DLGAP2: variants seen among roughly 807,000 people sequenced by gnomAD.
DLGAP2 encodes disks large-associated protein 2.
In DLGAP2, 26 loss-of-function variants were observed where a neutral mutation model predicts 100.3. The ratio of observed to expected loss-of-function variants is 0.26; its 90% CI spans 0.19 to 0.36. The LOEUF (loss-of-function observed/expected upper bound fraction) is 0.36. Ranked by LOEUF, DLGAP2 falls within the 10% of genes least tolerant of loss-of-function variation. The probability of loss-of-function intolerance (pLI) is 1.00; values close to 1 mark genes in which losing one functional copy is unlikely to be tolerated. For missense variants in DLGAP2, 1,858 were observed against 1,453.2 expected, an observed-to-expected ratio of 1.28 and a Z score of -4.53; for synonymous variants, 886 against 630.1, an observed-to-expected ratio of 1.41 and a Z score of -6.08.
intron 3 of DLGAP2, among the ~76,000 whole-genome samples, chr8:1,438,227 G>T (rs970070060): frequency 6.6e-6 from 1 of 152,124 alleles, no homozygotes; most frequent in Non-Finnish European, 1.5e-5. Context: ...TAAATAGAGT[G>T]TGTCTCAGAC....
chr8:1,641,915 G>GTCCTCACCTGTGTCA (rs1363809109), intron 8 of DLGAP2, among the ~76,000 whole-genome samples: 10 of 132,868 alleles, frequency 7.5e-5, no homozygotes, highest in African/African-American at 2.7e-4. Flanking sequence ...GACCCCGCCG[G>GTCCTCACCTGTGTCA]CCCTCACCTG....
intron 2 of DLGAP2, among the ~76,000 whole-genome samples, chr8:1,026,880 G>T (rs1206928334): frequency 6.6e-6 from 1 of 152,192 alleles, no homozygotes; most frequent in Non-Finnish European, 1.5e-5. Flanking sequence ...AATTTCTTCT[G>T]ATCTTTGAAG....
chr8:1,465,273 G>C (rs1302559469), intron 3 of DLGAP2, among the ~76,000 whole-genome samples: 2 of 152,248 alleles, frequency 1.3e-5, no homozygotes, highest in Non-Finnish European at 2.9e-5. Flanking sequence ...CGAAACTCTG[G>C]GAAGCACCCA....
chr8:1,216,287 T>C (rs1798211161), intron 2 of DLGAP2, among the ~76,000 whole-genome samples: 1 of 152,138 alleles, frequency 6.6e-6, no homozygotes, highest in African/African-American at 2.4e-5. Context: ...CTCAGTCAAC[T>C]TCATACAGGG....
intron 2 of DLGAP2, among the ~76,000 whole-genome samples, chr8:1,131,833 T>C (rs1374738641): frequency 6.6e-6 from 1 of 152,222 alleles, no homozygotes; most frequent in Non-Finnish European, 1.5e-5. Context: ...ATCTGAGTTA[T>C]TTTTTCCTCC....
At chr8:1,625,396 G>A (rs576098050) in intron 6 of DLGAP2, among the ~76,000 whole-genome samples, 5 of 152,308 alleles carry the variant, frequency 3.3e-5, no homozygotes, top group African/African-American at 1.2e-4. Flanking sequence ...AACACTCACA[G>A]GGTTCTTCCA....
At chr8:1,381,449 G>C (rs1446031197) in intron 3 of DLGAP2, 1 of 152,244 alleles carries the variant, frequency 6.6e-6, no homozygotes, top group Non-Finnish European at 1.5e-5. Context: ...TGATGTCTGT[G>C]CACCTTGTGC....
At chr8:1,542,409 T>C (rs950143472) in intron 4 of DLGAP2, among the ~76,000 whole-genome samples, 1 of 152,224 alleles carries the variant, frequency 6.6e-6, no homozygotes, top group Non-Finnish European at 1.5e-5. Context: ...CCCTCTCACC[T>C]ACCCTGATGC....
chr8:1,671,409 T>G (rs1798686566), intron 10 of DLGAP2, among the ~76,000 whole-genome samples: 1 of 152,216 alleles, frequency 6.6e-6, no homozygotes, highest in Admixed American at 6.5e-5. Flanking sequence ...AGAATCTGTG[T>G]TCTGCGAATG....
intron 2 of DLGAP2, among the ~76,000 whole-genome samples, chr8:1,012,777 C>G (rs73673049): frequency 0.016 from 2,389 of 147,088 alleles, 79 homozygotes; most frequent in African/African-American, 0.057. Flanking sequence ...ACCAGCCCCC[C>G]ACTTCAGCGG....
At chr8:912,906 G>T (rs1019813537) in intron 2 of DLGAP2, among the ~76,000 whole-genome samples, 2 of 152,202 alleles carry the variant, frequency 1.3e-5, no homozygotes, top group Admixed American at 1.3e-4. Context: ...GCACTGTGGT[G>T]CCCGCCTTCC....
intron 2 of DLGAP2, among the ~76,000 whole-genome samples, chr8:911,159 C>T (rs1021694935): frequency 3.3e-5 from 5 of 152,094 alleles, no homozygotes; most frequent in Non-Finnish European, 5.9e-5. Flanking sequence ...CTTACACTTG[C>T]TTTAGTATTT....
At chr8:740,301 G>A (rs918710809) in intron 1 of DLGAP2, 2 of 152,118 alleles carry the variant, frequency 1.3e-5, no homozygotes, top group Non-Finnish European at 2.9e-5. Context: ...GTTATTCTTC[G>A]AAAGAACTTT....
At chr8:1,008,771 C>A (rs577664558) in intron 2 of DLGAP2, among the ~76,000 whole-genome samples, 92 of 152,356 alleles carry the variant, frequency 6.0e-4, no homozygotes, top group Admixed American at 1.2e-3. Context: ...CAGGGAGCAA[C>A]CTCCACCTGC....
chr8:1,434,369 A>G (rs1797555396), intron 3 of DLGAP2, among the ~76,000 whole-genome samples: 3 of 152,166 alleles, frequency 2.0e-5, no homozygotes, highest in Admixed American at 2.0e-4. Flanking sequence ...GCAGACAGCA[A>G]GCACTCCACC....
intron 3 of DLGAP2, among the ~76,000 whole-genome samples, chr8:1,429,719 G>A (rs901574583): frequency 2.0e-5 from 3 of 151,624 alleles, no homozygotes; most frequent in Non-Finnish European, 4.4e-5. Flanking sequence ...TCTCCAAGCA[G>A]ACCTCTACTC....
chr8:1,472,529 G>T (rs1430475674), intron 3 of DLGAP2, among the ~76,000 whole-genome samples: 1 of 152,154 alleles, frequency 6.6e-6, no homozygotes, highest in Admixed American at 6.5e-5. Flanking sequence ...GATGAAGCAG[G>T]AAATGTCAGG....
chr8:1,357,323 GC>G lies in DLGAP2; in HGVS notation c.106+98442del, dbSNP rs758188513. ...GATGCCACAGACTGGCTAGTGGATG[GC>G]CAGACTCATCACACTGACACCCCTG... On this transcript the variant is annotated intron_variant, in intron 3 of 14. Transcript: ENST00000637795. Among the ~76,000 whole-genome samples, 13 of 152,076 alleles carry G rather than the reference GC, an allele frequency of 8.5e-5. No individual in the cohort carries two copies. The South Asian group carries it at 1.5e-3, about 17-fold the overall frequency.
Position 1,668,519 on chromosome 8 carries a change from G to T in DLGAP2, c.2001G>T (p.Leu667=). The T allele has an allele frequency of 6.3e-7, 1 of 1,593,672 alleles. No individual in the cohort carries two copies. ...GCCTCTACAACTCCACGGACAGCCT[G>T]GACAGCAACAAGGCCATGAACCTCG... is the stretch of plus-strand genomic sequence containing the variant. ...SRGLYNSTDS[L]DSNKAMNLAL... Residue 667 remains leucine (L), a synonymous_variant, in exon 9 of 15, where the codon CTG becomes CTT. Transcript: ENST00000637795.
Sources: gnomAD v4.1 joint callset for allele counts (sites outside exome capture counted in the v4.1 genomes callset) on GRCh38, gnomAD v4.1.1 for gene constraint, MANE v1.5 for transcripts, NCBI Gene and HGNC (gene_info 2026-07-23, HGNC 2026-07-21) for gene names.